The following DPYSL3 variants were observed in gnomAD, a reference collection of about 807,000 sequenced individuals.
DPYSL3 encodes the protein dihydropyrimidinase-related protein 3.
In DPYSL3, 16 loss-of-function variants were observed where a neutral mutation model predicts 66.1. That is an observed-to-expected ratio of 0.24 (90% CI 0.16 to 0.37). The LOEUF (loss-of-function observed/expected upper bound fraction) is 0.37, where lower values mean the gene tolerates loss of function less well. Among genes scored for constraint, DPYSL3 ranks in the 10% least tolerant of loss-of-function variants. The probability of loss-of-function intolerance (pLI) is 1.00; values close to 1 mark genes in which losing one functional copy is unlikely to be tolerated. For synonymous variants in DPYSL3, 338 were observed against 345.1 expected (o/e 0.98, Z 0.23); for missense variants, 738 against 916.2 (o/e 0.81, Z 2.51).
chr5:147,474,889 T>A (rs1340250218), intron 1 of DPYSL3, among the ~76,000 whole-genome samples: 1 of 152,002 alleles, frequency 6.6e-6, no homozygotes, highest in Non-Finnish European at 1.5e-5. Flanking sequence ...TGTAGAACAT[T>A]TTCATCACTC....
rs190950097 is a variant in DPYSL3, at chr5:147,450,859, T to C, written c.382-25896A>G. Among the ~76,000 whole-genome samples, 491 of 152,304 alleles carry C rather than the reference T, an allele frequency of 3.2e-3. 3 individuals are homozygous for C. The highest frequency in any genetic ancestry group is 5.1e-3 in the Non-Finnish European group (350 of 68,032). ...ACTTCAGCTACTGGGTGGGGCTGCC[T>C]TCACAGAAAGGAATAGAGGTGGCAT... On this transcript the variant is annotated intron_variant, in intron 1 of 13. Coordinates refer to ENST00000343218, the MANE Select transcript of DPYSL3 (RefSeq NM_001197294.2).
intron 1 of DPYSL3, among the ~76,000 whole-genome samples, chr5:147,439,423 A>T (rs968233812): frequency 2.0e-5 from 3 of 151,960 alleles, no homozygotes; most frequent in Non-Finnish European, 2.9e-5. Flanking sequence ...TGGACATGAA[A>T]GTGTCATAAT....
At chr5:147,452,846 G>C (rs1417942525) in intron 1 of DPYSL3, among the ~76,000 whole-genome samples, 1 of 150,934 alleles carries the variant, frequency 6.6e-6, no homozygotes, top group Non-Finnish European at 1.5e-5. Flanking sequence ...TGATGTGAGG[G>C]AGAAAAGAAA....
intron 1 of DPYSL3, among the ~76,000 whole-genome samples, chr5:147,497,306 C>T (rs375280099): frequency 3.3e-5 from 5 of 151,492 alleles, no homozygotes; most frequent in African/African-American, 9.7e-5. Flanking sequence ...TGCTAAATGA[C>T]GAGTTAATGG....
At chr5:147,422,525 C>T (rs774353758) in intron 2 of DPYSL3, among the ~76,000 whole-genome samples, 2 of 152,170 alleles carry the variant, frequency 1.3e-5, no homozygotes, top group African/African-American at 2.4e-5. Context: ...GAATATAAAT[C>T]ATTCTACTAT....
intron 1 of DPYSL3, among the ~76,000 whole-genome samples, chr5:147,435,139 G>A (rs1752393493): frequency 6.6e-6 from 1 of 152,116 alleles, no homozygotes; most frequent in African/African-American, 2.4e-5. Context: ...AGAGAGGCAG[G>A]CAGAAAAATC....
At chr5:147,453,664 A>G (rs1752787004) in intron 1 of DPYSL3, 2 of 1,477,452 alleles carry the variant, frequency 1.4e-6, no homozygotes, top group South Asian at 2.7e-5. Flanking sequence ...TCCTCAGCGC[A>G]CAGCGCCCCG....
chr5:147,463,556 G>A (rs140102506), intron 1 of DPYSL3, among the ~76,000 whole-genome samples: 10 of 152,184 alleles, frequency 6.6e-5, no homozygotes, highest in African/African-American at 2.4e-4. Context: ...CCCCCCAGAG[G>A]GCATCCATCA....
At chr5:147,394,680 AAC>A (rs1757917227) in intron 13 of DPYSL3, among the ~76,000 whole-genome samples, 1 of 138,224 alleles carries the variant, frequency 7.2e-6, no homozygotes, top group African/African-American at 2.8e-5. Flanking sequence ...GAACAACAAC[AAC>A]AAAAAAAAAA....
intron 7 of DPYSL3, among the ~76,000 whole-genome samples, chr5:147,408,289 C>A (rs1328252654): frequency 6.6e-6 from 1 of 152,166 alleles, no homozygotes; most frequent in African/African-American, 2.4e-5. Context: ...AATAAGCATT[C>A]ATTTTATATA....
intron 12 of DPYSL3, among the ~76,000 whole-genome samples, chr5:147,396,369 C>T (rs1004711208): frequency 6.6e-6 from 1 of 152,182 alleles, no homozygotes; most frequent in African/African-American, 2.4e-5. Context: ...GGGCCTTTGG[C>T]CATGGGAAAC....
At chr5:147,409,942 G>A (rs1178843822) in intron 6 of DPYSL3, among the ~76,000 whole-genome samples, 1 of 152,096 alleles carries the variant, frequency 6.6e-6, no homozygotes. Context: ...GAGTAGAAAG[G>A]AAAATGCACA....
chr5:147,405,743 G>C lies in DPYSL3; in HGVS notation c.1033-13C>G. 1.2e-6 allele frequency: 2 copies of C among 1,602,976 alleles called. No individual in the cohort carries two copies. Among genetic ancestry groups the C allele is most frequent in the Non-Finnish European group, 1.7e-6 (2 of 1,176,028 alleles). On this transcript the variant is annotated splice_polypyrimidine_tract_variant and intron_variant, in intron 7 of 13. Transcript: ENST00000343218. Reference sequence around the variant, plus strand: ...CCTCAGCTTCCAGCTGCAAGAAAAAGTCTCCAGGAGTCAATAGAAACATGA... The same window carrying C: ...CCTCAGCTTCCAGCTGCAAGAAAAACTCTCCAGGAGTCAATAGAAACATGA...
intron 1 of DPYSL3, among the ~76,000 whole-genome samples, chr5:147,465,697 G>T (rs2126416457): frequency 6.6e-6 from 1 of 152,324 alleles, no homozygotes; most frequent in East Asian, 1.9e-4. Flanking sequence ...CAGGGCATAT[G>T]ACCCGATAGT....
In DPYSL3 at chr5:147,509,910, G is replaced by C; in HGVS notation, c.-52C>G. ...GTTTTTCTTCCCCAGAGGCGGAAAG[G>C]GCAGCCGCCGGCAGCGTGCGCCGAG... On this transcript the variant is annotated 5_prime_UTR_variant, in exon 1 of 14. Transcript: ENST00000343218. This position sits in a 1 kb window ranked among gnomAD's most constrained non-coding sequence, Gnocchi z 5.3. 6.9e-7 allele frequency: 1 copy of C among 1,454,698 alleles called. No individual in the cohort carries two copies. Among genetic ancestry groups the C allele is most frequent in the South Asian group, 1.4e-5 (1 of 70,786 alleles). 90.1% of individuals were successfully genotyped at this position (1,454,698 alleles called of 1,614,324 possible).
intron 1 of DPYSL3, among the ~76,000 whole-genome samples, chr5:147,438,914 A>G (rs1230133276): frequency 6.6e-6 from 1 of 152,190 alleles, no homozygotes; most frequent in Non-Finnish European, 1.5e-5. Flanking sequence ...TCTTTCATTT[A>G]TCATTCCATT....
At chr5:147,489,312 G>A (rs563531219) in intron 1 of DPYSL3, among the ~76,000 whole-genome samples, 4 of 152,288 alleles carry the variant, frequency 2.6e-5, no homozygotes, top group African/African-American at 9.6e-5. Flanking sequence ...AGCTCCAGGT[G>A]TTGGATCCCA....
intron 1 of DPYSL3, among the ~76,000 whole-genome samples, chr5:147,455,893 T>C (rs1322987759): frequency 6.6e-6 from 1 of 151,432 alleles, no homozygotes; most frequent in Non-Finnish European, 1.5e-5. Flanking sequence ...ATTTATACCA[T>C]ATTTTTGATC....
intron 2 of DPYSL3, among the ~76,000 whole-genome samples, chr5:147,419,324 C>T (rs778197592): frequency 3.3e-5 from 5 of 152,096 alleles, no homozygotes; most frequent in South Asian, 2.1e-4. Flanking sequence ...TTATGAGAAC[C>T]GCCACTAGAC....
Sources: allele counts gnomAD v4.1 joint callset (sites outside exome capture counted in the v4.1 genomes callset), GRCh38; gene constraint gnomAD v4.1.1; non-coding constraint Gnocchi (gnomAD v3.1); transcripts MANE v1.5; gene names NCBI Gene and HGNC (gene_info 2026-07-23, HGNC 2026-07-21).